The following AAGAB variants were observed in gnomAD, a reference collection of about 807,000 sequenced individuals.
AAGAB encodes alpha- and gamma-adaptin-binding protein p34.
In AAGAB, 38 loss-of-function variants were observed where a neutral mutation model predicts 44.1. The observed-to-expected ratio is 0.86, with a 90% CI of 0.67 to 1.13. AAGAB has a LOEUF of 1.13. Ranked by LOEUF, AAGAB falls within the 50% of genes most tolerant of loss-of-function variation. The pLI is 0.00. For missense variants in AAGAB, 450 were observed against 373.8 expected (o/e 1.20, Z -1.68); for synonymous variants, 131 against 131.8 (o/e 0.99, Z 0.04).
intron 5 of AAGAB, among the ~76,000 whole-genome samples, chr15:67,223,545 AC>A (rs1964130540): frequency 6.6e-6 from 1 of 151,760 alleles, no homozygotes; most frequent in South Asian, 2.1e-4. Context: ...ACCTTTTCTT[AC>A]CCCTTTCATT....
At chr15:67,246,391 C>CAA (rs59205947) in intron 1 of AAGAB, among the ~76,000 whole-genome samples, 1,403 of 109,734 alleles carry the variant, frequency 0.013, 17 homozygotes, top group African/African-American at 0.037. Flanking sequence ...GATCCTGTCT[C>CAA]AAAAAAAAAA....
rs1357473275 is a variant in AAGAB, at chr15:67,248,009, T to C, written c.73+6550A>G. 3.3e-5 allele frequency among the ~76,000 whole-genome samples: 5 copies of C among 152,192 alleles called. No individual in the cohort carries two copies. The East Asian group carries it at 7.7e-4, about 23-fold the overall frequency. On this transcript the variant is annotated intron_variant, in intron 1 of 9. Transcript: ENST00000261880. ...TCTTAGCTCCCCAGCTTTTGGGAAC[T>C]GAACAACTTTGGGAAACCACAGCTT...
intron 7 of AAGAB, 29 bp downstream of exon 7, chr15:67,208,533 C>G: frequency 6.3e-7 from 1 of 1,596,366 alleles, no homozygotes. Context: ...GCACAAAGCT[C>G]TCTCTTGGCA....
chr15:67,250,515 G>A (rs565161626), intron 1 of AAGAB, among the ~76,000 whole-genome samples: 5 of 152,164 alleles, frequency 3.3e-5, no homozygotes, highest in Non-Finnish European at 5.9e-5. Flanking sequence ...TCAAGGGCAG[G>A]AACAGTATCT....
At chr15:67,209,059 A>C (rs1032739551) in intron 6 of AAGAB, among the ~76,000 whole-genome samples, 12 of 152,196 alleles carry the variant, frequency 7.9e-5, no homozygotes, top group African/African-American at 2.9e-4. Context: ...ACCAAGGTAA[A>C]CCTGGAACAA....
rs531914752 is a variant in AAGAB, at chr15:67,214,990, A to C, written c.536-5446T>G. On this transcript the variant is annotated intron_variant, in intron 5 of 9. Coordinates refer to ENST00000261880, the MANE Select transcript of AAGAB (RefSeq NM_024666.5). ...AACAAAGATTTTCAATGAAAAAAAA[A>C]AGGAAAAAAAGCATTAAAAAGACTC... Among the ~76,000 whole-genome samples the C allele has an allele frequency of 4.3e-3, 658 of 152,092 alleles. 6 individuals are homozygous for C. Among genetic ancestry groups the C allele is most frequent in the African/African-American group, 0.015 (638 of 41,512 alleles).
At chr15:67,253,219 G>A (rs760703927) in intron 1 of AAGAB, among the ~76,000 whole-genome samples, 88 of 146,132 alleles carry the variant, frequency 6.0e-4, no homozygotes, top group Non-Finnish European at 9.9e-4. Flanking sequence ...GAGCCCGGGA[G>A]TTCCAGACCA....
Position 67,254,587 on chromosome 15 carries a change from G to T in AAGAB, c.45C>A (p.Ser15=), listed in dbSNP as rs777168127. 6 of 1,610,018 alleles carry T rather than the reference G, an allele frequency of 3.7e-6. No homozygotes were observed. The Admixed American group carries it at 1.0e-4, about 27-fold the overall frequency. The change falls in exon 1 of 10, where the codon TCC becomes TCA. Residue 15 remains serine (S), a synonymous_variant. Coordinates refer to ENST00000261880, the MANE Select transcript of AAGAB (RefSeq NM_024666.5). The part of the protein sequence containing the change: ...VPCALVTSCS[S]VFSGDQLVQH... ...GGACCAGCTGGTCTCCTGAGAAGAC[G>T]GAGGAGCAGCTGGTGACTAACGCAC...
intron 1 of AAGAB, among the ~76,000 whole-genome samples, chr15:67,239,743 T>C (rs1964552406): frequency 6.6e-6 from 1 of 152,256 alleles, no homozygotes. Context: ...TATCATAATG[T>C]AGAGTTTAAT....
rs4627283 is a variant in AAGAB at position 67,214,151 on chromosome 15, C to T, written c.536-4607G>A. Among the ~76,000 whole-genome samples, 843 of 152,226 alleles carry T rather than the reference C, an allele frequency of 5.5e-3. 13 individuals are homozygous for T. Among genetic ancestry groups the T allele is most frequent in the African/African-American group, 0.02 (813 of 41,542 alleles). On this transcript the variant is annotated intron_variant, in intron 5 of 9. Transcript: ENST00000261880. ...ACTGGCTTACTGGATATGACACAAACTTGGGTCAAGTACAAAAAGATGATG... is the reference window on the plus strand; with the variant it reads ...ACTGGCTTACTGGATATGACACAAATTTGGGTCAAGTACAAAAAGATGATG...
chr15:67,202,060 G>C lies in AAGAB; in HGVS notation c.*761C>G, dbSNP rs1377462021. 6.6e-6 allele frequency: 1 copy of C among 152,222 alleles called. No individual in the cohort carries two copies. The highest frequency in any genetic ancestry group is 6.6e-5 in the Admixed American group (1 of 15,262). 9.4% of individuals were successfully genotyped at this position (152,222 alleles called of 1,614,324 possible). ...GAAGAATTTCTTCATGAAAATCACG[G>C]TATGTTATCACATACTGTCTCCATG... On this transcript the variant is annotated 3_prime_UTR_variant, in exon 10 of 10. Transcript: ENST00000261880.
Position 67,235,966 on chromosome 15 carries a change from C to A in AAGAB, c.451+13G>T. 1 of 1,577,180 alleles carries A rather than the reference C, an allele frequency of 6.3e-7. No individual in the cohort carries two copies. ...CTAAGTGCCATATTTTCTCCTAACA[C>A]ATAAACACTTACCATCCTCCTCAGG... is the stretch of plus-strand genomic sequence containing the variant. On this transcript the variant is annotated intron_variant, in intron 4 of 9. Transcript: ENST00000261880.
chr15:67,250,720 T>C (rs1964844297), intron 1 of AAGAB, among the ~76,000 whole-genome samples: 1 of 152,186 alleles, frequency 6.6e-6, no homozygotes. Flanking sequence ...TGAGGCTTCA[T>C]TTCCCTTTAA....
intron 9 of AAGAB, 104 bp from the exon 10 acceptor site, chr15:67,203,002 C>T (rs1257118406): frequency 9.9e-7 from 1 of 1,005,456 alleles, no homozygotes; most frequent in African/African-American, 1.6e-5. Context: ...TGCACTTTGC[C>T]CTCCAGTCCT....
intron 1 of AAGAB, among the ~76,000 whole-genome samples, chr15:67,249,092 T>C (rs1019773423): frequency 6.6e-6 from 1 of 152,222 alleles, no homozygotes; most frequent in African/African-American, 2.4e-5. Context: ...TGGAGTGCAG[T>C]GGCGTGATCT....
intron 5 of AAGAB, among the ~76,000 whole-genome samples, chr15:67,223,230 T>C (rs1410304582): frequency 6.6e-6 from 1 of 152,196 alleles, no homozygotes; most frequent in Non-Finnish European, 1.5e-5. Context: ...AGGTTTTAAA[T>C]GCCTTTCTCC....
chr15:67,247,104 C>T lies in AAGAB; in HGVS notation c.73+7455G>A, dbSNP rs376483042. Among the ~76,000 whole-genome samples the T allele has an allele frequency of 7.1e-3, 1,081 of 152,062 alleles. 20 individuals carry two copies. Among genetic ancestry groups the T allele is most frequent in the African/African-American group, 0.025 (1,033 of 41,486 alleles). On this transcript the variant is annotated intron_variant, in intron 1 of 9. Transcript: ENST00000261880. Reference sequence around the variant, plus strand: ...ACCCACTGGGAGGAACAAACAACTCCGGACACACCACCTTTAAGAGCTGTA... The same window carrying T: ...ACCCACTGGGAGGAACAAACAACTCTGGACACACCACCTTTAAGAGCTGTA...
intron 1 of AAGAB, among the ~76,000 whole-genome samples, chr15:67,246,176 T>C (rs911311692): frequency 2.6e-5 from 4 of 151,502 alleles, no homozygotes; most frequent in Admixed American, 1.3e-4. Context: ...AGCTCAGGAG[T>C]TCAAGACCAG....
chr15:67,254,828 G>A (rs1965050677), upstream of AAGAB: 1 of 1,523,710 alleles, frequency 6.6e-7, no homozygotes, highest in Non-Finnish European at 9.0e-7. Flanking sequence ...GGGGACGAGC[G>A]GCTCCGGCTG....
Sources: gnomAD v4.1 joint callset for allele counts (sites outside exome capture counted in the v4.1 genomes callset) on GRCh38, gnomAD v4.1.1 for gene constraint, MANE v1.5 for transcripts, NCBI Gene and HGNC (gene_info 2026-07-23, HGNC 2026-07-21) for gene names.